Variants in SUCLG2 observed in about 807,000 individuals in gnomAD.
The protein encoded by SUCLG2 is succinate--CoA ligase [GDP-forming] subunit beta, mitochondrial.
SUCLG2 carries 42 observed loss-of-function variants against 47.9 expected under a neutral mutation model. That is an observed-to-expected ratio of 0.88 (90% confidence interval 0.69 to 1.14). The LOEUF is 1.14. Among genes scored for constraint, SUCLG2 ranks in the 50% most tolerant of loss-of-function variants. The pLI, the probability that SUCLG2 is intolerant of heterozygous loss-of-function variation, is 0.00. For missense variants in SUCLG2, 571 were observed against 525.9 expected (o/e 1.09, Z -0.84); for synonymous variants, 195 against 197.3 (o/e 0.99, Z 0.10).
In SUCLG2 at chr3:67,553,453, A is replaced by G. The variant is rs552859210; in HGVS notation, c.227-24267T>C. Among the ~76,000 whole-genome samples the G allele has an allele frequency of 6.6e-5, 10 of 152,386 alleles. 1 individual carries two copies. The highest frequency in any genetic ancestry group is 1.7e-4 in the African/African-American group (7 of 41,596). ...TCATTCTACTTATAAGCTGAAAATT[A>G]TAAGTTTAAAATGTAATTCACTTTC... On this transcript the variant is annotated intron_variant, in intron 2 of 10. Coordinates refer to ENST00000307227, the MANE Select transcript of SUCLG2 (RefSeq NM_003848.4).
chr3:67,612,486 T>C (rs1166195549), intron 1 of SUCLG2, among the ~76,000 whole-genome samples: 2 of 152,120 alleles, frequency 1.3e-5, no homozygotes, highest in African/African-American at 4.8e-5. Flanking sequence ...ACGCTGGAAA[T>C]GTAATATAAA....
chr3:67,375,199 T>C lies in SUCLG2; in HGVS notation c.*545A>G, dbSNP rs1702011158. The C allele has an allele frequency of 1.0e-6, 1 of 985,732 alleles. No homozygotes were observed. The highest frequency in any genetic ancestry group is 1.7e-5 in the African/African-American group (1 of 57,240). 61.1% of individuals were successfully genotyped at this position (985,732 alleles called of 1,614,324 possible). A position where few individuals can be genotyped will look rare whatever the true frequency, so the allele number is the denominator to read the frequency against. Reference sequence around the variant, plus strand: ...AATACTCACGGATTTTTCAAACATATGTTAGAATTAGAAACCTGTAAAATC... The same window carrying C: ...AATACTCACGGATTTTTCAAACATACGTTAGAATTAGAAACCTGTAAAATC... On this transcript the variant is annotated 3_prime_UTR_variant, in exon 11 of 11. Transcript: ENST00000307227.
intron 9 of SUCLG2, among the ~76,000 whole-genome samples, chr3:67,443,708 A>C (rs1430893684): frequency 1.2e-5 from 1 of 82,990 alleles, no homozygotes; most frequent in African/African-American, 4.0e-5. Flanking sequence ...CCGCCGCCCC[A>C]TCTGGGATGT....
In SUCLG2 at chr3:67,484,364, C is replaced by T. The variant is rs139008194; in HGVS notation, c.1062+11434G>A. ...AGAAGGGCAACTCATTGACTTATTA[C>T]GCTTTTCTTCCTGGCTGAGAATATT... On this transcript the variant is annotated intron_variant, in intron 9 of 10. Transcript: ENST00000307227. Among the ~76,000 whole-genome samples, 719 of 152,250 alleles carry T rather than the reference C, an allele frequency of 4.7e-3. 4 individuals carry two copies. The highest frequency in any genetic ancestry group is 0.015 in the African/African-American group (642 of 41,544).
intron 2 of SUCLG2, among the ~76,000 whole-genome samples, chr3:67,549,252 AT>A (rs1706947913): frequency 6.6e-6 from 1 of 152,208 alleles, no homozygotes; most frequent in Non-Finnish European, 1.5e-5. Context: ...CTTAAGACTG[AT>A]ACTTAAGCAA....
At chr3:67,439,752 C>A (rs148096996) in intron 9 of SUCLG2, among the ~76,000 whole-genome samples, 1 of 152,170 alleles carries the variant, frequency 6.6e-6, no homozygotes, top group Non-Finnish European at 1.5e-5. Context: ...AATGGAAAAA[C>A]ATTCCATGCT....
rs147744917 is a variant in SUCLG2 at position 67,467,233 on chromosome 3, G to A, written c.1062+28565C>T. ...CCTAGATACACAATAACTATCCTCC[G>A]AAATCTTTTACTATACTAGCTACAA... is the stretch of plus-strand genomic sequence containing the variant. On this transcript the variant is annotated intron_variant, in intron 9 of 10. Coordinates refer to ENST00000307227, the MANE Select transcript of SUCLG2 (RefSeq NM_003848.4). 4.5e-3 allele frequency among the ~76,000 whole-genome samples: 688 copies of A among 152,166 alleles called. 11 individuals carry two copies. The East Asian group carries it at 0.06, about 13-fold the overall frequency.
At chr3:67,530,917 C>G (rs1157547511) in intron 2 of SUCLG2, among the ~76,000 whole-genome samples, 2 of 152,210 alleles carry the variant, frequency 1.3e-5, no homozygotes, top group South Asian at 2.1e-4. Flanking sequence ...ATTTAGCTTA[C>G]TGCAAGAACA....
chr3:67,534,335 G>T (rs992204449), intron 2 of SUCLG2, among the ~76,000 whole-genome samples: 9 of 152,004 alleles, frequency 5.9e-5, no homozygotes, highest in Non-Finnish European at 4.4e-5. Context: ...AACAAAAAAT[G>T]TATTTATGCT....
chr3:67,400,124 A>T (rs1192773863), intron 10 of SUCLG2, among the ~76,000 whole-genome samples: 2 of 152,202 alleles, frequency 1.3e-5, no homozygotes, highest in African/African-American at 4.8e-5. Flanking sequence ...AACATGTTAT[A>T]ACATTTTATG....
chr3:67,407,707 T>C (rs1702846577), intron 9 of SUCLG2, among the ~76,000 whole-genome samples: 1 of 152,226 alleles, frequency 6.6e-6, no homozygotes, highest in African/African-American at 2.4e-5. Flanking sequence ...AGTCCCACTG[T>C]AGCAGGCATG....
At position 67,613,721 on chromosome 3, in the gene SUCLG2, A is replaced by C. The variant is rs111296485; in HGVS notation, c.85-4125T>G. On this transcript the variant is annotated intron_variant, in intron 1 of 10. Transcript: ENST00000307227. ...TTTTGCCCAATTGGCTTTACTGACC[A>C]ATAAAGCCATGTTACAAATTAGGAA... 6.4e-3 allele frequency among the ~76,000 whole-genome samples: 981 copies of C among 152,332 alleles called. 9 individuals are homozygous for C. Among genetic ancestry groups the C allele is most frequent in the African/African-American group, 0.022 (905 of 41,564 alleles).
intron 9 of SUCLG2, among the ~76,000 whole-genome samples, chr3:67,422,383 G>A (rs1703181142): frequency 6.8e-6 from 1 of 146,720 alleles, no homozygotes; most frequent in Non-Finnish European, 1.5e-5. Context: ...GCTGAGGCAG[G>A]AGAATCGCTT....
intron 1 of SUCLG2, among the ~76,000 whole-genome samples, chr3:67,650,019 C>G (rs1230334936): frequency 1.3e-5 from 2 of 152,164 alleles, no homozygotes; most frequent in Non-Finnish European, 2.9e-5. Context: ...CAAACAAAAC[C>G]AATTTAGGAC....
intron 10 of SUCLG2, among the ~76,000 whole-genome samples, chr3:67,386,783 GGCAA>G (rs1281685220): frequency 5.9e-5 from 9 of 152,166 alleles, no homozygotes; most frequent in Non-Finnish European, 1.3e-4. Flanking sequence ...GGGACACAGA[GGCAA>G]GCCATATCAT....
At chr3:67,584,753 TAGA>T (rs1490853955) in intron 2 of SUCLG2, among the ~76,000 whole-genome samples, 3 of 152,136 alleles carry the variant, frequency 2.0e-5, no homozygotes, top group Admixed American at 6.5e-5. Flanking sequence ...ACAATCATGG[TAGA>T]AGAAGAAGCA....
chr3:67,403,124 A>T (rs1416249415), intron 9 of SUCLG2, among the ~76,000 whole-genome samples: 1 of 152,130 alleles, frequency 6.6e-6, no homozygotes, highest in Non-Finnish European at 1.5e-5. Flanking sequence ...CTCTTCATAT[A>T]ACCACTTGCG....
At chr3:67,451,513 C>T (rs1008122796) in intron 9 of SUCLG2, among the ~76,000 whole-genome samples, 2 of 152,148 alleles carry the variant, frequency 1.3e-5, no homozygotes, top group Non-Finnish European at 2.9e-5. Flanking sequence ...CATGTTTAGG[C>T]TAGGTACAGG....
At chr3:67,577,829 C>T (rs1240166320) in intron 2 of SUCLG2, among the ~76,000 whole-genome samples, 1 of 152,218 alleles carries the variant, frequency 6.6e-6, no homozygotes, top group East Asian at 1.9e-4. Context: ...TTTATATGCA[C>T]TTTCTCATTC....
Sources: allele counts gnomAD v4.1 joint callset (sites outside exome capture counted in the v4.1 genomes callset), GRCh38; gene constraint gnomAD v4.1.1; transcripts MANE v1.5; gene names NCBI Gene and HGNC (gene_info 2026-07-23, HGNC 2026-07-21).